PBLD: variants seen among roughly 807,000 people sequenced by gnomAD.
PBLD encodes phenazine biosynthesis-like domain-containing protein.
A neutral mutation model predicts 31.3 loss-of-function variants in PBLD; 26 were observed. That is an observed-to-expected ratio of 0.83 (90% CI 0.61 to 1.15). PBLD has a LOEUF of 1.15. PBLD is among the 50% of genes most tolerant of loss of function. The pLI is 0.00. For missense variants in PBLD, 307 were observed against 351.7 expected (o/e 0.87, Z 1.02); for synonymous variants, 114 against 129.0 (o/e 0.88, Z 0.79).
At position 68,305,222 on chromosome 10, in the gene PBLD, AAAC is replaced by A. The variant is rs972235902; in HGVS notation, c.84+1536_84+1538del. Among the ~76,000 whole-genome samples, 9 of 152,190 alleles carry A rather than the reference AAAC, an allele frequency of 5.9e-5. No homozygotes were observed. In the South Asian group the frequency reaches 6.2e-4, roughly 11 times the overall value. ...TTTATATAAAGTTTTAAAAAATAAA[AAAC>A]AACAACAACAGCAATAAAAAACGAC... On this transcript the variant is annotated intron_variant, in intron 2 of 9. Transcript: ENST00000358769.
At chr10:68,291,738 T>C (rs1370960868) in intron 6 of PBLD, among the ~76,000 whole-genome samples, 1 of 152,168 alleles carries the variant, frequency 6.6e-6, no homozygotes, top group Non-Finnish European at 1.5e-5. Context: ...TCCCTCTTCT[T>C]TACCACCTCC....
intron 1 of PBLD, among the ~76,000 whole-genome samples, chr10:68,317,500 T>C (rs1322157573): frequency 6.6e-6 from 1 of 151,988 alleles, no homozygotes; most frequent in East Asian, 1.9e-4. Context: ...ATGGCCACTA[T>C]CAAAAGAACA....
Position 68,292,218 on chromosome 10 carries a change from T to A in PBLD, c.304A>T (p.Thr102Ser), listed in dbSNP as rs1460424809. Reference protein sequence around the residue: ...HKIKNMNSTLTFVTLSGELRA... With the variant: ...HKIKNMNSTLSFVTLSGELRA... ...AGTTCTCCACTCAGAGTGACAAACG[T>A]GAGCGTGCTATTCATGTTTTCTGGC... Residue 102 changes from threonine (T) to serine (S), a missense_variant, in exon 5 of 10, where the codon ACG becomes TCG. By Grantham distance (58) the Thr-to-Ser change is moderately conservative. Coordinates refer to ENST00000358769, the MANE Select transcript of PBLD (RefSeq NM_022129.4). 1 of 1,613,512 alleles carries A rather than the reference T, an allele frequency of 6.2e-7. No individual in the cohort carries two copies. Among genetic ancestry groups the A allele is most frequent in the African/African-American group, 1.3e-5 (1 of 74,918 alleles).
chr10:68,297,823 T>A (rs1430076268), intron 2 of PBLD, among the ~76,000 whole-genome samples: 1 of 152,112 alleles, frequency 6.6e-6, no homozygotes, highest in African/African-American at 2.4e-5. Flanking sequence ...GAATGAGAGC[T>A]TAGTTAGGCA....
chr10:68,328,946 C>T (rs1422406116), intron 1 of PBLD, among the ~76,000 whole-genome samples: 3 of 152,168 alleles, frequency 2.0e-5, no homozygotes, highest in Non-Finnish European at 2.9e-5. Flanking sequence ...GGCACGATCT[C>T]GGCTCACTGC....
chr10:68,289,469 T>C (rs1268058166), intron 6 of PBLD, among the ~76,000 whole-genome samples: 2 of 151,930 alleles, frequency 1.3e-5, no homozygotes, highest in African/African-American at 4.8e-5. Flanking sequence ...CAAGAATCAC[T>C]TGTGAGCCAA....
rs534266049 is a variant in PBLD, at chr10:68,296,800, C to T, written c.184+86G>A. 1,674 of 1,174,508 alleles carry T rather than the reference C, an allele frequency of 1.4e-3. 5 individuals carry two copies. Among genetic ancestry groups the T allele is most frequent in the Non-Finnish European group, 1.9e-3 (1,490 of 796,136 alleles). 72.8% of individuals were successfully genotyped at this position (1,174,508 alleles called of 1,614,324 possible). ...ACAATAATTGCTTGAACGCAGGAGG[C>T]GGAGGTTGCAGTGAGTCAAGATCAT... is the stretch of plus-strand genomic sequence containing the variant. On this transcript the variant is annotated intron_variant, in intron 3 of 9. Transcript: ENST00000358769.
rs74143076 is a variant in PBLD at position 68,332,478 on chromosome 10, T to C, written c.-60+306A>G. Among the ~76,000 whole-genome samples the C allele has an allele frequency of 3.0e-3, 464 of 152,326 alleles. 1 individual carries two copies. Among genetic ancestry groups the C allele is most frequent in the African/African-American group, 0.011 (455 of 41,588 alleles). ...TAGGGGACATCCAGCATTTTCCCCT[T>C]TCCCTGCTGGCTTGGCCTCCGCCAT... On this transcript the variant is annotated intron_variant, in intron 1 of 9. Coordinates refer to ENST00000358769, the MANE Select transcript of PBLD (RefSeq NM_022129.4).
Position 68,319,278 on chromosome 10 carries a change from T to G in PBLD, c.-59-12375A>C, listed in dbSNP as rs1177948930. 2.0e-5 allele frequency among the ~76,000 whole-genome samples: 3 copies of G among 151,848 alleles called. No individual in the cohort carries two copies. In the East Asian group the frequency reaches 5.8e-4, roughly 29 times the overall value. ...AGGAACAACAAAGACATGAGACATG[T>G]AGAAAACAAATATCAAAATAGCAGT... On this transcript the variant is annotated intron_variant, in intron 1 of 9. Coordinates refer to ENST00000358769, the MANE Select transcript of PBLD (RefSeq NM_022129.4).
At chr10:68,324,813 A>G (rs955866241) in intron 1 of PBLD, among the ~76,000 whole-genome samples, 3 of 151,412 alleles carry the variant, frequency 2.0e-5, no homozygotes, top group African/African-American at 7.3e-5. Context: ...ACAGGGTCTC[A>G]CCATGTTGGC....
intron 8 of PBLD, among the ~76,000 whole-genome samples, chr10:68,285,621 G>A (rs1166007226): frequency 6.6e-6 from 1 of 152,052 alleles, no homozygotes; most frequent in Non-Finnish European, 1.5e-5. Context: ...GCCAAATTAT[G>A]TATCAAATAT....
In PBLD at chr10:68,327,047, A is replaced by AAAC. The variant is rs1400288989; in HGVS notation, c.-60+5734_-60+5736dup. ...GGCGACAGAGCGAGACTCCACTACA[A>AAAC]AACAACAACAACAACAATAAAAAAA... On this transcript the variant is annotated intron_variant, in intron 1 of 9. Coordinates refer to ENST00000358769, the MANE Select transcript of PBLD (RefSeq NM_022129.4). 2.1e-3 allele frequency among the ~76,000 whole-genome samples: 316 copies of AAAC among 152,150 alleles called. 1 individual carries two copies. Among genetic ancestry groups the AAAC allele is most frequent in the African/African-American group, 6.7e-3 (279 of 41,452 alleles).
chr10:68,331,284 A>G (rs1021279870), intron 1 of PBLD: 8 of 152,240 alleles, frequency 5.3e-5, no homozygotes, highest in African/African-American at 1.7e-4. Context: ...ACGCAAAACT[A>G]TAAAAAAAAC....
At chr10:68,294,368 T>C (rs1356427947) in intron 4 of PBLD, among the ~76,000 whole-genome samples, 1 of 152,154 alleles carries the variant, frequency 6.6e-6, no homozygotes, top group Non-Finnish European at 1.5e-5. Flanking sequence ...GGAAGTACCA[T>C]AGGGTACAAA....
intron 2 of PBLD, among the ~76,000 whole-genome samples, chr10:68,303,216 G>A (rs964874121): frequency 6.6e-6 from 1 of 151,888 alleles, no homozygotes; most frequent in African/African-American, 2.4e-5. Context: ...TGGGATTACA[G>A]GCATGCGTCA....
At chr10:68,313,308 G>C (rs2044695370) in intron 1 of PBLD, among the ~76,000 whole-genome samples, 1 of 152,020 alleles carries the variant, frequency 6.6e-6, no homozygotes, top group South Asian at 2.1e-4. Flanking sequence ...TCATTCTGTT[G>C]TTTCCTTTGC....
At chr10:68,307,014 T>C (rs940065581) in intron 1 of PBLD, 111 bp from the exon 2 acceptor site, 2 of 533,050 alleles carry the variant, frequency 3.8e-6, no homozygotes, top group African/African-American at 3.8e-5. Flanking sequence ...CATTTAAAGA[T>C]ATATAATCCC....
chr10:68,295,957 T>C, intron 4 of PBLD: 1 of 178,470 alleles, frequency 5.6e-6, no homozygotes, highest in Non-Finnish European at 1.2e-5. Context: ...TGAGACTCTG[T>C]CTCAAAAAAT....
chr10:68,289,080 G>T, intron 6 of PBLD, 61 bp from the exon 7 acceptor site: 1 of 1,252,050 alleles, frequency 8.0e-7, no homozygotes, highest in Non-Finnish European at 1.2e-6. Flanking sequence ...TTGATCCCCT[G>T]AAATGGGAAA....
Sources: gnomAD v4.1 joint callset for allele counts (sites outside exome capture counted in the v4.1 genomes callset) on GRCh38, gnomAD v4.1.1 for gene constraint, MANE v1.5 for transcripts, NCBI Gene and HGNC (gene_info 2026-07-23, HGNC 2026-07-21) for gene names.